MCPH1: variants seen among roughly 807,000 people sequenced by gnomAD.
MCPH1 encodes microcephalin.
A neutral mutation model predicts 84.5 loss-of-function variants in MCPH1; 104 were observed. The ratio of observed to expected loss-of-function variants is 1.23; its 90% confidence interval spans 1.05 to 1.45. The LOEUF (loss-of-function observed/expected upper bound fraction) is 1.45, where lower values mean the gene tolerates loss of function less well. MCPH1 is among the 40% of genes most tolerant of loss of function. The probability of loss-of-function intolerance (pLI) is 0.00; values close to 1 mark genes in which losing one functional copy is unlikely to be tolerated. For synonymous variants in MCPH1, 514 were observed against 366.8 expected (o/e 1.40, Z -4.58); for missense variants, 1,498 against 1,005.7 (o/e 1.49, Z -6.62).
intron 12 of MCPH1, among the ~76,000 whole-genome samples, chr8:6,544,437 ACCT>A (rs1233793366): frequency 2.7e-4 from 41 of 152,264 alleles, no homozygotes; most frequent in African/African-American, 9.9e-4. Flanking sequence ...GTCTTCCAAG[ACCT>A]CCTAACCCAA....
chr8:6,471,600 C>T (rs1425492552), intron 9 of MCPH1, among the ~76,000 whole-genome samples: 6 of 152,080 alleles, frequency 3.9e-5, no homozygotes, highest in Non-Finnish European at 8.8e-5. Context: ...AAACAAAAGC[C>T]GCAGTCCTCC....
intron 5 of MCPH1, among the ~76,000 whole-genome samples, chr8:6,438,646 TCA>T (rs1803024542): frequency 6.6e-6 from 1 of 152,250 alleles, no homozygotes; most frequent in Non-Finnish European, 1.5e-5. Flanking sequence ...CTTCTGTGTC[TCA>T]GTCTTTGTCT....
chr8:6,506,850 C>T (rs980248659), intron 12 of MCPH1, among the ~76,000 whole-genome samples: 1 of 150,192 alleles, frequency 6.7e-6, no homozygotes, highest in East Asian at 2.0e-4. Flanking sequence ...ATGAAAATTA[C>T]TGAATTTCAT....
chr8:6,491,513 T>G (rs1218229457), intron 11 of MCPH1, among the ~76,000 whole-genome samples: 1 of 151,892 alleles, frequency 6.6e-6, no homozygotes, highest in African/African-American at 2.4e-5. Context: ...CTAGGGTACA[T>G]GTGCACAACA....
intron 13 of MCPH1, among the ~76,000 whole-genome samples, chr8:6,631,424 C>G (rs968006363): frequency 1.3e-5 from 2 of 151,666 alleles, no homozygotes; most frequent in African/African-American, 2.4e-5. Flanking sequence ...TTGCAAATAA[C>G]GGGTTAATCT....
At chr8:6,490,387 G>T (rs139512521) in intron 11 of MCPH1, among the ~76,000 whole-genome samples, 1 of 152,146 alleles carries the variant, frequency 6.6e-6, no homozygotes, top group East Asian at 1.9e-4. Flanking sequence ...TGTTCCTCAG[G>T]GACTTTGGGG....
At position 6,536,845 on chromosome 8, in the gene MCPH1, T is replaced by C. The variant is rs185016780; in HGVS notation, c.2214+36916T>C. On this transcript the variant is annotated intron_variant, in intron 12 of 13. Transcript: ENST00000344683. Reference sequence around the variant, plus strand: ...GATGAATTAGTTATTTTCTAGTTTATTGTCCTAGAATGTCTTTCTGTTTAG... The same window carrying C: ...GATGAATTAGTTATTTTCTAGTTTACTGTCCTAGAATGTCTTTCTGTTTAG... Among the ~76,000 whole-genome samples, 620 of 152,246 alleles carry C rather than the reference T, an allele frequency of 4.1e-3. 2 individuals are homozygous for C. The highest frequency in any genetic ancestry group is 7.3e-3 in the Non-Finnish European group (494 of 68,008).
intron 3 of MCPH1, among the ~76,000 whole-genome samples, chr8:6,417,365 A>G (rs189660615): frequency 1.5e-3 from 231 of 150,820 alleles, no homozygotes; most frequent in Non-Finnish European, 2.6e-3. Context: ...CGTAATAGAA[A>G]ATAAGTAAAC....
chr8:6,413,193 T>C (rs1328192751), intron 2 of MCPH1, among the ~76,000 whole-genome samples: 2 of 152,318 alleles, frequency 1.3e-5, no homozygotes, highest in East Asian at 1.9e-4. Flanking sequence ...AGCACAAATA[T>C]TATTTTTCCT....
chr8:6,543,168 AAG>A (rs1586516853), intron 12 of MCPH1, among the ~76,000 whole-genome samples: 1 of 152,090 alleles, frequency 6.6e-6, no homozygotes, highest in Non-Finnish European at 1.5e-5. Flanking sequence ...AAAAAGTTGA[AAG>A]AATTCCAATG....
chr8:6,503,559 A>C (rs1406203904), intron 12 of MCPH1, among the ~76,000 whole-genome samples: 3 of 152,194 alleles, frequency 2.0e-5, no homozygotes, highest in South Asian at 2.1e-4. Flanking sequence ...CAGTGTGTAC[A>C]CACTTACAGC....
In MCPH1 at chr8:6,492,458, G is replaced by A. The variant is rs184131627; in HGVS notation, c.2137-7394G>A. 8.0e-3 allele frequency among the ~76,000 whole-genome samples: 1,216 copies of A among 151,634 alleles called. 17 individuals are homozygous for A. Among genetic ancestry groups the A allele is most frequent in the African/African-American group, 0.027 (1,132 of 41,434 alleles). ...CTCTGATGGTAGTTTCTTTTGCTGT[G>A]CAGAAGCTCTTTAGTTTAATTAGAT... On this transcript the variant is annotated intron_variant, in intron 11 of 13. Coordinates refer to ENST00000344683, the MANE Select transcript of MCPH1 (RefSeq NM_024596.5).
intron 12 of MCPH1, chr8:6,508,153 T>A (rs895079379): frequency 7.9e-5 from 12 of 152,216 alleles, no homozygotes; most frequent in African/African-American, 2.9e-4. Context: ...GAATCTTTTT[T>A]AAAAAGACAG....
intron 12 of MCPH1, among the ~76,000 whole-genome samples, chr8:6,507,167 G>A (rs2129565226): frequency 6.6e-6 from 1 of 152,254 alleles, no homozygotes; most frequent in East Asian, 1.9e-4. Context: ...CAAAGTGCTG[G>A]GATTACAAGC....
intron 12 of MCPH1, among the ~76,000 whole-genome samples, chr8:6,559,889 C>G (rs1306693524): frequency 6.6e-6 from 1 of 152,196 alleles, no homozygotes; most frequent in Non-Finnish European, 1.5e-5. Flanking sequence ...TTAACTACTA[C>G]ACAGTGAGTA....
intron 3 of MCPH1, among the ~76,000 whole-genome samples, chr8:6,425,193 C>A (rs952805197): frequency 6.6e-6 from 1 of 152,192 alleles, no homozygotes; most frequent in Non-Finnish European, 1.5e-5. Flanking sequence ...CCGAGGAGAA[C>A]GTTGCTGCTT....
intron 4 of MCPH1, among the ~76,000 whole-genome samples, chr8:6,433,709 T>C (rs1802199469): frequency 6.6e-6 from 1 of 152,072 alleles, no homozygotes; most frequent in Non-Finnish European, 1.5e-5. Flanking sequence ...TTTTAATTTT[T>C]CCTAATCTGA....
chr8:6,604,715 G>A (rs771980269), intron 12 of MCPH1, among the ~76,000 whole-genome samples: 5 of 152,246 alleles, frequency 3.3e-5, no homozygotes, highest in East Asian at 1.9e-4. Flanking sequence ...ATGTTGGCCA[G>A]ACTGGTCTCG....
chr8:6,597,642 C>G (rs573635861), intron 12 of MCPH1, among the ~76,000 whole-genome samples: 1 of 152,116 alleles, frequency 6.6e-6, no homozygotes, highest in Non-Finnish European at 1.5e-5. Context: ...AGGGAGGGCT[C>G]AGCGCTAGGA....
Sources: allele counts gnomAD v4.1 joint callset (sites outside exome capture counted in the v4.1 genomes callset), GRCh38; gene constraint gnomAD v4.1.1; transcripts MANE v1.5; gene names NCBI Gene and HGNC (gene_info 2026-07-23, HGNC 2026-07-21).